Variants in RORC observed in about 807,000 individuals in gnomAD.
The protein encoded by RORC is RAR related orphan receptor C.
In RORC, 13 loss-of-function variants were observed where a neutral mutation model predicts 64.5. The observed-to-expected ratio is 0.20, with a 90% CI of 0.13 to 0.32. The LOEUF (loss-of-function observed/expected upper bound fraction) is 0.32. Ranked by LOEUF, RORC falls within the 10% of genes least tolerant of loss-of-function variation. The probability of loss-of-function intolerance (pLI) is 1.00; values close to 1 mark genes in which losing one functional copy is unlikely to be tolerated. For synonymous variants in RORC, 277 were observed against 259.3 expected, an observed-to-expected ratio of 1.07 and a Z score of -0.65; for missense variants, 468 against 669.5, an observed-to-expected ratio of 0.70 and a Z score of 3.32.
At chr1:151,828,978 CA>C (rs371746426) in intron 2 of RORC, among the ~76,000 whole-genome samples, 64 of 130,748 alleles carry the variant, frequency 4.9e-4, no homozygotes, top group African/African-American at 8.2e-4. Context: ...GACTCTGTCT[CA>C]AAAAAAAAAA....
chr1:151,831,523 C>T (rs963321573), intron 1 of RORC: 16 of 420,292 alleles, frequency 3.8e-5, no homozygotes, highest in Middle Eastern at 2.4e-3. Flanking sequence ...TCTCCTTTTG[C>T]GATTTCTTCT....
chr1:151,822,014 C>G (rs1313163320), intron 2 of RORC, among the ~76,000 whole-genome samples: 1 of 152,064 alleles, frequency 6.6e-6, no homozygotes, highest in Non-Finnish European at 1.5e-5. Context: ...ACACCACAGC[C>G]CCTTTAGGGT....
rs1468536347 is a variant in RORC, at chr1:151,815,364, T to G, written c.360A>C (p.Lys120Asn). The G allele has an allele frequency of 3.2e-6, 5 of 1,574,268 alleles. No individual in the cohort carries two copies. The highest frequency in any genetic ancestry group is 3.4e-6 in the Non-Finnish European group (4 of 1,161,698). ...GCTGCTGTTGCCGCTGCTGCAGCTGTTTCTGCACTTCTGCATGCAGGCTGT... is the reference window on the plus strand; with the variant it reads ...GCTGCTGTTGCCGCTGCTGCAGCTGGTTCTGCACTTCTGCATGCAGGCTGT... ...QRDSLHAEVQ[K>N]QLQQRQQQQQ... The change falls in exon 5 of 11, where the codon AAA (lysine) becomes AAC (asparagine). Residue 120 changes from lysine (K) to asparagine (N), a missense_variant. Coordinates refer to ENST00000318247, the MANE Select transcript of RORC (RefSeq NM_005060.4).
chr1:151,809,308 C>T (rs967623238), intron 10 of RORC, among the ~76,000 whole-genome samples: 3 of 152,106 alleles, frequency 2.0e-5, no homozygotes, highest in Middle Eastern at 3.2e-3. Flanking sequence ...GCAGGACAAT[C>T]GCTTGAACCT....
At position 151,830,621 on chromosome 1, in the gene RORC, T is replaced by TACACACACAC. The variant is rs1553293049; in HGVS notation, c.40+1094_40+1103dup. ...TGCTGTTCAGTCTTGACACCTGACA[T>TACACACACAC]ACACACACACACACACACACACACA... On this transcript the variant is annotated intron_variant, in intron 1 of 10. Transcript: ENST00000318247. This position sits in a 1 kb window ranked among gnomAD's most constrained non-coding sequence, Gnocchi z 4.0. 6.3e-3 allele frequency among the ~76,000 whole-genome samples: 360 copies of TACACACACAC among 57,188 alleles called. 2 individuals carry two copies. The highest frequency in any genetic ancestry group is 0.016 in the East Asian group (23 of 1,476). The allele number at this position is 57,188 out of a possible 152,430, so 37.5% of individuals were successfully genotyped here. A position where few individuals can be genotyped will look rare whatever the true frequency, so the allele number is the denominator to read the frequency against.
At chr1:151,814,459 CTG>C in intron 6 of RORC, 113 bp downstream of exon 6, 1 of 1,120,140 alleles carries the variant, frequency 8.9e-7, no homozygotes, top group Non-Finnish European at 1.3e-6. Context: ...GTTGGCCAGC[CTG>C]TGTCTGTGAT....
rs1297798833 is a variant in RORC at position 151,807,540 on chromosome 1, C to T, written c.1489G>A (p.Ala497Thr). Residue 497 changes from alanine (A) to threonine (T), a missense_variant, in exon 11 of 11, where the codon GCT (alanine) becomes ACT (threonine). By Grantham distance (58) the Ala-to-Thr change is moderately conservative. Coordinates refer to ENST00000318247, the MANE Select transcript of RORC (RefSeq NM_005060.4). This position sits in a 1 kb window ranked among gnomAD's most constrained non-coding sequence, Gnocchi z 5.0. ...AGCTCCTTGTAGAGTGGAGGGAAAGCGGCTTGGACCACGATGGGGTGGAGG... is the reference window on the plus strand; with the variant it reads ...AGCTCCTTGTAGAGTGGAGGGAAAGTGGCTTGGACCACGATGGGGTGGAGG... ...QHLHPIVVQA[A>T]FPPLYKELFS... The T allele has an allele frequency of 3.1e-6, 5 of 1,613,746 alleles. No homozygotes were observed. The highest frequency in any genetic ancestry group is 4.2e-6 in the Non-Finnish European group (5 of 1,179,910).
intron 1 of RORC, chr1:151,831,266 C>T: frequency 2.0e-6 from 1 of 509,548 alleles, no homozygotes; most frequent in Non-Finnish European, 3.1e-6. Flanking sequence ...GGACAGGTTT[C>T]TCCACTGGTG....
At chr1:151,809,691 T>G (rs1188943925) in intron 10 of RORC, among the ~76,000 whole-genome samples, 1 of 152,204 alleles carries the variant, frequency 6.6e-6, no homozygotes, top group Admixed American at 6.5e-5. Flanking sequence ...CTGTCTCTCC[T>G]CCTTCAAATC....
Position 151,829,115 on chromosome 1 carries a change from G to GC in RORC, c.70+313dup, listed in dbSNP as rs1283649809. On this transcript the variant is annotated intron_variant, in intron 2 of 10. Transcript: ENST00000318247. ...CCTTCCTTCCCCGGCCTGGCAGTCG[G>GC]CCCCACCCCCTCCCATCTCCCTGCC... is the stretch of plus-strand genomic sequence containing the variant. Among the ~76,000 whole-genome samples the GC allele has an allele frequency of 3.3e-5, 5 of 150,494 alleles. 1 individual carries two copies. The highest frequency in any genetic ancestry group is 1.2e-4 in the African/African-American group (5 of 40,842).
At chr1:151,813,719 C>A (rs547360318) in intron 6 of RORC, 99 bp from the exon 7 acceptor site, 1 of 1,355,624 alleles carries the variant, frequency 7.4e-7, no homozygotes, top group African/African-American at 1.4e-5. Flanking sequence ...GGGGTAGGCT[C>A]TGAACTCCTA....
chr1:151,812,775 TC>T (rs1176303380), intron 9 of RORC, 171 bp downstream of exon 9: 2 of 543,324 alleles, frequency 3.7e-6, no homozygotes, highest in East Asian at 6.3e-5. Flanking sequence ...CTGAGAGTCC[TC>T]TGAATCTTTA....
In RORC at chr1:151,816,698, C is replaced by A; in HGVS notation, c.264G>T (p.Leu88=). ...ACATGCCCAGCGCCAGGCATTTCTG[C>A]AGGCGGCAGTGCTGGCATCGGTTTC... is the stretch of plus-strand genomic sequence containing the variant. ...TSRNRCQHCR[L]QKCLALGMSR... Residue 88 remains leucine, a synonymous_variant, in exon 4 of 11, where the codon CTG becomes CTT. Coordinates refer to ENST00000318247, the MANE Select transcript of RORC (RefSeq NM_005060.4). 6.2e-7 allele frequency: 1 copy of A among 1,605,936 alleles called. No individual in the cohort carries two copies. The highest frequency in any genetic ancestry group is 8.5e-7 in the Non-Finnish European group (1 of 1,176,404).
rs1334168663 is a variant in RORC at position 151,830,878 on chromosome 1, A to C, written c.40+847T>G. The C allele has an allele frequency of 8.3e-7, 1 of 1,209,370 alleles. No individual in the cohort carries two copies. The highest frequency in any genetic ancestry group is 1.1e-6 in the Non-Finnish European group (1 of 932,494). The allele number at this position is 1,209,370 out of a possible 1,614,324, so 74.9% of individuals were successfully genotyped here. A position where few individuals can be genotyped will look rare whatever the true frequency, so the allele number is the denominator to read the frequency against. ...GACGTGGCACCGGCTCCTGGCCTCTAGCCTTGCACCTCAGAGCAGTCCTGT... is the reference window on the plus strand; with the variant it reads ...GACGTGGCACCGGCTCCTGGCCTCTCGCCTTGCACCTCAGAGCAGTCCTGT... On this transcript the variant is annotated intron_variant, in intron 1 of 10. Transcript: ENST00000318247. The surrounding 1 kb of genome is among the most constrained non-coding windows in gnomAD (Gnocchi z 4.0).
chr1:151,811,239 T>C, intron 10 of RORC, 86 bp downstream of exon 10: 1 of 796,704 alleles, frequency 1.3e-6, no homozygotes. Flanking sequence ...CCCTCCTCTG[T>C]ACCCACAGAC....
At chr1:151,818,730 G>A (rs548299108) in intron 2 of RORC, among the ~76,000 whole-genome samples, 108 of 152,264 alleles carry the variant, frequency 7.1e-4, no homozygotes, top group African/African-American at 2.5e-3. Context: ...AATCTATGAC[G>A]TGTCTCCCAC....
intron 2 of RORC, among the ~76,000 whole-genome samples, chr1:151,823,927 G>A (rs925758292): frequency 3.3e-5 from 5 of 152,158 alleles, no homozygotes; most frequent in African/African-American, 1.2e-4. Context: ...CACCACGCCC[G>A]GCTGCACCTC....
Position 151,831,792 on chromosome 1 carries a change from C to T in RORC, c.-28G>A, listed in dbSNP as rs777101963. 9.4e-6 allele frequency: 15 copies of T among 1,603,042 alleles called. No individual in the cohort carries two copies. The highest frequency in any genetic ancestry group is 1.3e-5 in the Non-Finnish European group (15 of 1,178,690). ...GGCAGCTCCCTTGGTGCCGTCCTGG[C>T]TGCCCTGGCTGCCCAGGAGGGCAGG... On this transcript the variant is annotated 5_prime_UTR_variant, in exon 1 of 11. Transcript: ENST00000318247.
chr1:151,821,996 C>T lies in RORC; in HGVS notation c.71-4716G>A, dbSNP rs780806490. On this transcript the variant is annotated intron_variant, in intron 2 of 10. Coordinates refer to ENST00000318247, the MANE Select transcript of RORC (RefSeq NM_005060.4). ...ATCAACAACAGGGTTCCCGGGGACT[C>T]CTCAGGAACACCACAGCCCCTTTAG... Among the ~76,000 whole-genome samples the T allele has an allele frequency of 3.3e-5, 5 of 152,260 alleles. No homozygotes were observed. In the South Asian group the frequency reaches 6.3e-4, roughly 19 times the overall value.
Sources: gnomAD v4.1 joint callset for allele counts (sites outside exome capture counted in the v4.1 genomes callset) on GRCh38, gnomAD v4.1.1 for gene constraint, Gnocchi (gnomAD v3.1) non-coding constraint, MANE v1.5 for transcripts, NCBI Gene and HGNC (gene_info 2026-07-23, HGNC 2026-07-21) for gene names.